Variants in CDS1 observed in about 807,000 individuals in gnomAD.
The protein encoded by CDS1 is CDP-diacylglycerol synthase 1.
Under a neutral mutation model 62.1 loss-of-function variants are expected in CDS1, and 41 were observed. The ratio of observed to expected loss-of-function variants is 0.66; its 90% CI spans 0.51 to 0.86. The LOEUF (loss-of-function observed/expected upper bound fraction) is 0.86. CDS1 is among the 40% of genes least tolerant of loss of function. CDS1 has a pLI of 0.00. For synonymous variants in CDS1, 185 were observed against 192.6 expected (o/e 0.96, Z 0.32); for missense variants, 470 against 550.1 (o/e 0.85, Z 1.46).
intron 4 of CDS1, 26 bp downstream of exon 4, chr4:84,617,687 A>AT (rs1290229184): frequency 2.6e-6 from 3 of 1,140,320 alleles, no homozygotes; most frequent in Non-Finnish European, 3.9e-6. Flanking sequence ...ACTATTTCAG[A>AT]TATGAAAAGT....
chr4:84,626,008 A>C (rs1407303942), intron 5 of CDS1, among the ~76,000 whole-genome samples: 1 of 152,020 alleles, frequency 6.6e-6, no homozygotes, highest in East Asian at 1.9e-4. Context: ...TCTCTACTAA[A>C]AATACAAAAT....
At chr4:84,594,067 T>C (rs914725793) in intron 1 of CDS1, among the ~76,000 whole-genome samples, 2 of 152,136 alleles carry the variant, frequency 1.3e-5, no homozygotes, top group Non-Finnish European at 2.9e-5. Context: ...TCAGAGCTAT[T>C]TTTCTTTTTT....
intron 1 of CDS1, among the ~76,000 whole-genome samples, chr4:84,588,550 T>C (rs2110031934): frequency 6.6e-6 from 1 of 152,198 alleles, no homozygotes; most frequent in East Asian, 1.9e-4. Context: ...ATTTGGAGGC[T>C]AGACTTTTTA....
In CDS1 at chr4:84,648,808, TTC is replaced by T; in HGVS notation, c.*128_*129del. Reference sequence around the variant, plus strand: ...ATAGGTTGAAGTTTTGGAGATATGTTTCTCTCTGAAATTACTGTGAATATTTA... The same window carrying T: ...ATAGGTTGAAGTTTTGGAGATATGTTTCTCTGAAATTACTGTGAATATTTA... On this transcript the variant is annotated 3_prime_UTR_variant, in exon 13 of 13. Coordinates refer to ENST00000295887, the MANE Select transcript of CDS1 (RefSeq NM_001263.4). The T allele has an allele frequency of 1.1e-6, 1 of 928,352 alleles. No individual in the cohort carries two copies. Among genetic ancestry groups the T allele is most frequent in the Non-Finnish European group, 1.6e-6 (1 of 638,870 alleles). 57.5% of individuals were successfully genotyped at this position (928,352 alleles called of 1,614,324 possible). A position where few individuals can be genotyped will look rare whatever the true frequency, so the allele number is the denominator to read the frequency against.
At chr4:84,635,696 T>TCCTTCCCTCCCTCCCTCCCTCCCTCCC (rs1393347967) in intron 8 of CDS1, among the ~76,000 whole-genome samples, 1 of 58,408 alleles carries the variant, frequency 1.7e-5, no homozygotes, top group African/African-American at 7.1e-5. Context: ...CCTTCCCTCC[T>TCCTTCCCTCCCTCCCTCCCTCCCTCCC]TCCCTCCCTC....
In CDS1 at chr4:84,622,793, AT is replaced by A. The variant is rs551633446; in HGVS notation, c.580+3261del. On this transcript the variant is annotated intron_variant, in intron 5 of 12. Coordinates refer to ENST00000295887, the MANE Select transcript of CDS1 (RefSeq NM_001263.4). ...TGTTTCTTAGTTTACTTTAGGCATT[AT>A]CTATTCACTTCCTGTTATAACCTAC... is the stretch of plus-strand genomic sequence containing the variant. Among the ~76,000 whole-genome samples, 415 of 152,262 alleles carry A rather than the reference AT, an allele frequency of 2.7e-3. 4 individuals carry two copies. The highest frequency in any genetic ancestry group is 9.4e-3 in the African/African-American group (391 of 41,548).
intron 1 of CDS1, among the ~76,000 whole-genome samples, chr4:84,601,922 A>AATAC (rs1208491389): frequency 1.4e-5 from 2 of 140,970 alleles, no homozygotes; most frequent in East Asian, 4.5e-4. Context: ...CAAATAAATA[A>AATAC]ATACATACAT....
intron 10 of CDS1, among the ~76,000 whole-genome samples, chr4:84,642,771 G>A (rs975279985): frequency 6.6e-6 from 1 of 152,148 alleles, no homozygotes; most frequent in Non-Finnish European, 1.5e-5. Flanking sequence ...AGACTACCAC[G>A]CTGCAAGATT....
At chr4:84,615,213 C>T (rs940341728) in intron 3 of CDS1, among the ~76,000 whole-genome samples, 2 of 152,062 alleles carry the variant, frequency 1.3e-5, no homozygotes, top group African/African-American at 2.4e-5. Flanking sequence ...AATTTCCTCA[C>T]GCACCATGTC....
At chr4:84,612,540 T>C (rs1466136881) in intron 3 of CDS1, among the ~76,000 whole-genome samples, 1 of 152,226 alleles carries the variant, frequency 6.6e-6, no homozygotes. Flanking sequence ...AAGACATGCA[T>C]GCATACATTT....
chr4:84,612,886 G>A (rs948814363), intron 3 of CDS1, among the ~76,000 whole-genome samples: 2 of 151,704 alleles, frequency 1.3e-5, no homozygotes, highest in Non-Finnish European at 2.9e-5. Context: ...CTACTTGGGA[G>A]GCTGAGGCAG....
At chr4:84,584,221 A>G (rs755908490) in intron 1 of CDS1, among the ~76,000 whole-genome samples, 11 of 152,166 alleles carry the variant, frequency 7.2e-5, no homozygotes, top group Admixed American at 1.3e-4. Context: ...GAATAAGTAG[A>G]TGCGATATTA....
chr4:84,617,641 A>G lies in CDS1; in HGVS notation c.420A>G (p.Pro140=). The G allele has an allele frequency of 6.5e-7, 1 of 1,540,042 alleles. No individual in the cohort carries two copies. Among genetic ancestry groups the G allele is most frequent in the Non-Finnish European group, 8.9e-7 (1 of 1,118,562 alleles). ...GYRVYHSYDL[P]WFRTLSWYFL... ...GAGTCTATCATTCTTATGATCTACC[A>G]TGGTTTAGAACACTAAGTTGGTAAG... The change falls in exon 4 of 13, where the codon CCA becomes CCG. Residue 140 remains proline, a synonymous_variant. Coordinates refer to ENST00000295887, the MANE Select transcript of CDS1 (RefSeq NM_001263.4).
At chr4:84,594,873 T>G (rs1403338692) in intron 1 of CDS1, among the ~76,000 whole-genome samples, 1 of 152,066 alleles carries the variant, frequency 6.6e-6, no homozygotes, top group Admixed American at 6.6e-5. Context: ...TGCACCACCA[T>G]GCCCAGCTAA....
intron 10 of CDS1, among the ~76,000 whole-genome samples, chr4:84,641,329 G>T (rs1030501022): frequency 1.3e-5 from 2 of 152,152 alleles, no homozygotes; most frequent in Non-Finnish European, 2.9e-5. Context: ...GCTTCCCAAG[G>T]TGCTGGGATT....
At position 84,650,382 on chromosome 4, in the gene CDS1, C is replaced by T. The variant is rs899779309; in HGVS notation, c.*1696C>T. ...AAATGTTATTATAGGAGGCAGTGAT[C>T]GCATTTAAAATCAGGCCACCTACAA... On this transcript the variant is annotated 3_prime_UTR_variant, in exon 13 of 13. Coordinates refer to ENST00000295887, the MANE Select transcript of CDS1 (RefSeq NM_001263.4). The T allele has an allele frequency of 6.6e-6, 1 of 152,140 alleles. No individual in the cohort carries two copies. Among genetic ancestry groups the T allele is most frequent in the African/African-American group, 2.4e-5 (1 of 41,430 alleles). 9.4% of individuals were successfully genotyped at this position (152,140 alleles called of 1,614,324 possible).
At chr4:84,616,522 T>C (rs1723499847) in intron 3 of CDS1, among the ~76,000 whole-genome samples, 1 of 152,192 alleles carries the variant, frequency 6.6e-6, no homozygotes, top group African/African-American at 2.4e-5. Context: ...ATTTTAGGCT[T>C]TAAGGAGCTG....
chr4:84,616,433 A>C (rs1723496436), intron 3 of CDS1, among the ~76,000 whole-genome samples: 1 of 152,220 alleles, frequency 6.6e-6, no homozygotes, highest in Admixed American at 6.5e-5. Flanking sequence ...TAACTTGTGG[A>C]AATCTTAAAA....
chr4:84,644,957 GA>G (rs1188980317), intron 11 of CDS1, among the ~76,000 whole-genome samples: 3 of 151,994 alleles, frequency 2.0e-5, no homozygotes, highest in Non-Finnish European at 4.4e-5. Context: ...TTTTATTAAC[GA>G]AAAAAAGTAA....
Sources: gnomAD v4.1 joint callset for allele counts (sites outside exome capture counted in the v4.1 genomes callset) on GRCh38, gnomAD v4.1.1 for gene constraint, MANE v1.5 for transcripts, NCBI Gene and HGNC (gene_info 2026-07-23, HGNC 2026-07-21) for gene names.